Variants in WWOX observed in about 807,000 individuals in gnomAD.
WWOX encodes the protein WW domain-containing oxidoreductase.
A neutral mutation model predicts 46.2 loss-of-function variants in WWOX; 69 were observed. That is an observed-to-expected ratio of 1.49 (90% confidence interval 1.23 to 1.82). The LOEUF is 1.82. WWOX is among the 40% of genes most tolerant of loss of function. The pLI is 0.00. For synonymous variants in WWOX, 359 were observed against 202.6 expected, an observed-to-expected ratio of 1.77 and a Z score of -6.56; for missense variants, 919 against 542.6, an observed-to-expected ratio of 1.69 and a Z score of -6.89.
At chr16:79,034,045 C>A (rs1240982334) in intron 8 of WWOX, among the ~76,000 whole-genome samples, 8 of 152,198 alleles carry the variant, frequency 5.3e-5, no homozygotes, top group African/African-American at 1.9e-4. Context: ...CTATGGCTCA[C>A]GGCTGTGGCT....
At chr16:78,818,919 G>A (rs1317586767) in intron 8 of WWOX, among the ~76,000 whole-genome samples, 2 of 152,232 alleles carry the variant, frequency 1.3e-5, no homozygotes, top group South Asian at 2.1e-4. Flanking sequence ...GCAGAGTCAG[G>A]AAACCTAGAC....
chr16:79,146,571 A>G (rs2050186728), intron 8 of WWOX, among the ~76,000 whole-genome samples: 1 of 152,196 alleles, frequency 6.6e-6, no homozygotes, highest in Non-Finnish European at 1.5e-5. Flanking sequence ...TCTCCCACAC[A>G]GGATAAAATA....
At chr16:78,322,684 A>G (rs940663285) in intron 5 of WWOX, among the ~76,000 whole-genome samples, 2 of 152,222 alleles carry the variant, frequency 1.3e-5, no homozygotes, top group Non-Finnish European at 2.9e-5. Context: ...ATGATTATCA[A>G]CAAAGTTACT....
chr16:78,370,400 C>T (rs1385045141), intron 5 of WWOX, among the ~76,000 whole-genome samples: 2 of 151,912 alleles, frequency 1.3e-5, no homozygotes, highest in African/African-American at 4.8e-5. Flanking sequence ...TAATATTATT[C>T]ATTGGATAAA....
At chr16:78,493,343 G>C (rs1382825357) in intron 8 of WWOX, among the ~76,000 whole-genome samples, 1 of 152,290 alleles carries the variant, frequency 6.6e-6, no homozygotes, top group East Asian at 1.9e-4. Context: ...GGAAAGAAAG[G>C]ATTCACTGCA....
intron 8 of WWOX, among the ~76,000 whole-genome samples, chr16:78,916,923 A>G (rs867804671): frequency 2.0e-4 from 31 of 152,212 alleles, no homozygotes; most frequent in African/African-American, 7.0e-4. Flanking sequence ...GATCAGGTAA[A>G]GCTTGACCCA....
At chr16:79,150,672 G>C (rs965741898) in intron 8 of WWOX, among the ~76,000 whole-genome samples, 1 of 151,964 alleles carries the variant, frequency 6.6e-6, no homozygotes, top group Non-Finnish European at 1.5e-5. Flanking sequence ...CCTTTTTCTT[G>C]AGATGGTGTC....
At chr16:78,144,412 C>T (rs1205593513) in intron 4 of WWOX, among the ~76,000 whole-genome samples, 5 of 85,976 alleles carry the variant, frequency 5.8e-5, no homozygotes, top group Admixed American at 2.8e-4. Flanking sequence ...GTGGTGCAAA[C>T]GTGGTTTTTG....
chr16:78,187,882 G>T (rs1355380359), intron 5 of WWOX, among the ~76,000 whole-genome samples: 1 of 152,090 alleles, frequency 6.6e-6, no homozygotes, highest in Non-Finnish European at 1.5e-5. Context: ...AGATGCGGTG[G>T]GTTCTAGGGA....
intron 5 of WWOX, among the ~76,000 whole-genome samples, chr16:78,206,553 A>T (rs2036402825): frequency 6.6e-6 from 1 of 152,192 alleles, no homozygotes; most frequent in Admixed American, 6.6e-5. Context: ...AACCATCTAT[A>T]AATATTACCT....
chr16:78,686,018 G>A (rs960073233), intron 8 of WWOX, among the ~76,000 whole-genome samples: 2 of 152,074 alleles, frequency 1.3e-5, no homozygotes, highest in African/African-American at 4.8e-5. Context: ...CAAAAGGGCA[G>A]GAAAGGAAGA....
intron 6 of WWOX, among the ~76,000 whole-genome samples, chr16:78,398,081 C>G (rs531160441): frequency 2.6e-5 from 4 of 152,296 alleles, no homozygotes; most frequent in Admixed American, 6.5e-5. Context: ...CAAATTGATG[C>G]TTATCAAGTA....
chr16:79,084,356 A>G (rs2048816250), intron 8 of WWOX, among the ~76,000 whole-genome samples: 1 of 152,246 alleles, frequency 6.6e-6, no homozygotes, highest in African/African-American at 2.4e-5. Flanking sequence ...AGAACAACAA[A>G]TAATACCAGG....
chr16:79,111,709 AAAAAGATCAGGAGGTCACAGTGAC>A (rs2049419883), intron 8 of WWOX, among the ~76,000 whole-genome samples: 1 of 152,198 alleles, frequency 6.6e-6, no homozygotes, highest in Admixed American at 6.5e-5. Flanking sequence ...AACAGGATAG[AAAAAGATCAGGAGGTCACAGTGAC>A]AAAAGTATTT....
intron 5 of WWOX, among the ~76,000 whole-genome samples, chr16:78,272,244 C>G (rs919500295): frequency 6.6e-6 from 1 of 152,176 alleles, no homozygotes; most frequent in African/African-American, 2.4e-5. Context: ...GGCACTTCAG[C>G]TGGTCCAGGA....
intron 4 of WWOX, among the ~76,000 whole-genome samples, chr16:78,160,004 C>G (rs968901712): frequency 2.6e-5 from 4 of 151,780 alleles, no homozygotes; most frequent in African/African-American, 9.7e-5. Flanking sequence ...TTAGTTTTTT[C>G]AATTGACAGA....
At chr16:78,118,510 A>AT (rs979510410) in intron 4 of WWOX, among the ~76,000 whole-genome samples, 13 of 152,030 alleles carry the variant, frequency 8.6e-5, no homozygotes, top group Middle Eastern at 3.4e-3. Context: ...TGTAAGTAGA[A>AT]TTTTTTTTGG....
intron 8 of WWOX, among the ~76,000 whole-genome samples, chr16:78,674,885 G>C (rs1402939600): frequency 6.6e-6 from 1 of 151,372 alleles, no homozygotes; most frequent in African/African-American, 2.4e-5. Context: ...ATACAATGTG[G>C]TCTTTGGTGA....
chr16:79,180,781 C>G (rs1411482096), intron 8 of WWOX, among the ~76,000 whole-genome samples: 2 of 152,060 alleles, frequency 1.3e-5, no homozygotes, highest in Non-Finnish European at 2.9e-5. Context: ...ATTCATCAAT[C>G]CATTTATCCA....
Sources: allele counts gnomAD v4.1 joint callset (sites outside exome capture counted in the v4.1 genomes callset), GRCh38; gene constraint gnomAD v4.1.1; transcripts MANE v1.5; gene names NCBI Gene and HGNC (gene_info 2026-07-23, HGNC 2026-07-21).